CNTN4: variants seen among roughly 807,000 people sequenced by gnomAD.
The protein encoded by CNTN4 is contactin 4, also known as contactin-4.
In CNTN4, 77 loss-of-function variants were observed where a neutral mutation model predicts 122.5. That is an observed-to-expected ratio of 0.63 (90% CI 0.52 to 0.76). The LOEUF (loss-of-function observed/expected upper bound fraction) is 0.76. CNTN4 is among the 30% of genes least tolerant of loss of function. CNTN4 has a pLI of 0.00. For synonymous variants in CNTN4, 512 were observed against 447.0 expected (o/e 1.15, Z -1.83); for missense variants, 1,256 against 1,259.1 (o/e 1.00, Z 0.04).
At chr3:2,440,564 T>C (rs2048397644) in intron 3 of CNTN4, among the ~76,000 whole-genome samples, 1 of 152,044 alleles carries the variant, frequency 6.6e-6, no homozygotes, top group Non-Finnish European at 1.5e-5. Flanking sequence ...GTCGTGTGAG[T>C]GTATTTGAGA....
intron 16 of CNTN4, among the ~76,000 whole-genome samples, chr3:3,031,609 C>A (rs147011807): frequency 0.011 from 1,627 of 152,166 alleles, 35 homozygotes; most frequent in African/African-American, 0.037. Flanking sequence ...GCAACACCAA[C>A]TGAGTACATT....
At chr3:2,515,475 G>A (rs1332949720) in intron 3 of CNTN4, among the ~76,000 whole-genome samples, 1 of 152,068 alleles carries the variant, frequency 6.6e-6, no homozygotes, top group South Asian at 2.1e-4. Context: ...GTAAGAAATT[G>A]TCTTGCCAAA....
At chr3:2,436,498 T>C (rs570747002) in intron 3 of CNTN4, among the ~76,000 whole-genome samples, 1 of 152,280 alleles carries the variant, frequency 6.6e-6, no homozygotes, top group Non-Finnish European at 1.5e-5. Flanking sequence ...TAGTATTTTC[T>C]CTTAGGTGTT....
intron 2 of CNTN4, among the ~76,000 whole-genome samples, chr3:2,168,420 ATAAT>A (rs1170777503): frequency 6.6e-6 from 1 of 152,124 alleles, no homozygotes; most frequent in Non-Finnish European, 1.5e-5. Flanking sequence ...GTCACAGAAA[ATAAT>A]TATTCAGGAT....
rs1276300136 is a variant in CNTN4, at chr3:2,745,660, A to G, written c.321A>G (p.Gly107=). The G allele has an allele frequency of 1.9e-6, 3 of 1,614,148 alleles. No homozygotes were observed. The highest frequency in any genetic ancestry group is 2.2e-5 in the South Asian group (2 of 91,086). ...TYQCTATNSF[G]TIVSREAKLQ... Reference sequence around the variant, plus strand: ...AGTGCACAGCGACAAACTCGTTTGGAACAATTGTTAGCAGAGAAGCAAAGC... The same window carrying G: ...AGTGCACAGCGACAAACTCGTTTGGGACAATTGTTAGCAGAGAAGCAAAGC... Residue 107 remains glycine (G), a synonymous_variant, in exon 6 of 25, where the codon GGA becomes GGG. Coordinates refer to ENST00000418658, the MANE Select transcript of CNTN4 (RefSeq NM_175607.3).
chr3:2,121,529 C>A (rs1037099319), intron 2 of CNTN4, among the ~76,000 whole-genome samples: 1 of 151,238 alleles, frequency 6.6e-6, no homozygotes, highest in Non-Finnish European at 1.5e-5. Flanking sequence ...GTTGTGTGCA[C>A]GGGGACCCAT....
chr3:2,263,862 A>T (rs1327665826), intron 2 of CNTN4, among the ~76,000 whole-genome samples: 4 of 123,728 alleles, frequency 3.2e-5, no homozygotes, highest in African/African-American at 1.0e-4. Flanking sequence ...TTTTGTATAT[A>T]AGTGAAAATA....
intron 12 of CNTN4, among the ~76,000 whole-genome samples, chr3:2,917,880 A>G (rs931035965): frequency 2.7e-5 from 4 of 150,350 alleles, no homozygotes; most frequent in African/African-American, 9.8e-5. Flanking sequence ...ACATGACCCA[A>G]CAAAACCTCT....
intron 3 of CNTN4, among the ~76,000 whole-genome samples, chr3:2,445,484 T>C (rs2048592738): frequency 6.6e-6 from 1 of 152,206 alleles, no homozygotes. Flanking sequence ...TTTGAAAATA[T>C]TTAGATCTAT....
chr3:2,786,713 G>C (rs1347618515), intron 6 of CNTN4, among the ~76,000 whole-genome samples: 1 of 152,094 alleles, frequency 6.6e-6, no homozygotes, highest in Admixed American at 6.5e-5. Flanking sequence ...GCTTCTACTG[G>C]AGCCAAGAGT....
intron 2 of CNTN4, among the ~76,000 whole-genome samples, chr3:2,135,736 G>A (rs541980983): frequency 1.7e-4 from 26 of 152,268 alleles, no homozygotes; most frequent in African/African-American, 6.0e-4. Context: ...CTTCACAAGT[G>A]TAGCTCTAAT....
chr3:2,915,622 C>T (rs2094345288), intron 12 of CNTN4, among the ~76,000 whole-genome samples: 1 of 152,150 alleles, frequency 6.6e-6, no homozygotes, highest in South Asian at 2.1e-4. Context: ...CACTGCTAAG[C>T]ATGATGTTAC....
chr3:2,893,148 T>A (rs2094064059), intron 10 of CNTN4, among the ~76,000 whole-genome samples: 1 of 152,214 alleles, frequency 6.6e-6, no homozygotes, highest in South Asian at 2.1e-4. Context: ...AAACCCTTTT[T>A]TTCTTCTTCA....
chr3:2,547,354 C>G (rs999203587), intron 3 of CNTN4, among the ~76,000 whole-genome samples: 75 of 151,988 alleles, frequency 4.9e-4, no homozygotes, highest in African/African-American at 1.8e-3. Context: ...ACCTCTGTCC[C>G]CTGCATTCAA....
chr3:2,100,131 G>C (rs1029351758), intron 1 of CNTN4, among the ~76,000 whole-genome samples: 1 of 152,180 alleles, frequency 6.6e-6, no homozygotes, highest in African/African-American at 2.4e-5. Context: ...CTGGGTGTGT[G>C]GTCTGCGTGG....
chr3:2,183,146 T>G (rs2037094174), intron 2 of CNTN4, among the ~76,000 whole-genome samples: 1 of 152,170 alleles, frequency 6.6e-6, no homozygotes, highest in African/African-American at 2.4e-5. Flanking sequence ...CTATAACATT[T>G]GACTGGATCT....
At chr3:3,006,092 G>A (rs906452352) in intron 14 of CNTN4, among the ~76,000 whole-genome samples, 1 of 151,970 alleles carries the variant, frequency 6.6e-6, no homozygotes, top group Non-Finnish European at 1.5e-5. Flanking sequence ...GTTTCAGGAT[G>A]GTCTTGATCT....
At chr3:2,345,205 AAAT>A (rs2044356585) in intron 3 of CNTN4, among the ~76,000 whole-genome samples, 1 of 152,194 alleles carries the variant, frequency 6.6e-6, no homozygotes, top group Non-Finnish European at 1.5e-5. Context: ...GCCAATAAGA[AAAT>A]AAGCCATTGC....
At chr3:2,761,415 T>C (rs185514020) in intron 6 of CNTN4, among the ~76,000 whole-genome samples, 126 of 150,716 alleles carry the variant, frequency 8.4e-4, no homozygotes, top group Middle Eastern at 3.4e-3. Context: ...TTGTGAGGAT[T>C]AAATATGCCT....
Sources: gnomAD v4.1 joint callset for allele counts (sites outside exome capture counted in the v4.1 genomes callset) on GRCh38, gnomAD v4.1.1 for gene constraint, MANE v1.5 for transcripts, NCBI Gene and HGNC (gene_info 2026-07-23, HGNC 2026-07-21) for gene names.